NNT: variants seen among roughly 807,000 people sequenced by gnomAD.
The protein encoded by NNT is NAD(P) transhydrogenase, mitochondrial.
A neutral mutation model predicts 104.8 loss-of-function variants in NNT; 50 were observed. The observed-to-expected ratio is 0.48, with a 90% CI of 0.38 to 0.60. The LOEUF (loss-of-function observed/expected upper bound fraction) is 0.60. Ranked by LOEUF, NNT falls within the 20% of genes least tolerant of loss-of-function variation. The pLI, the probability that NNT is intolerant of heterozygous loss-of-function variation, is 0.00. For missense variants in NNT, 1,131 were observed against 1,330.7 expected, an observed-to-expected ratio of 0.85 and a Z score of 2.33; for synonymous variants, 461 against 490.4, an observed-to-expected ratio of 0.94 and a Z score of 0.79.
rs758877027 is a variant in NNT at position 43,624,145 on chromosome 5, G to A, written c.776+25G>A. ...GGTGAGTGCTTTACTAGTGACTGAT[G>A]TTAAGGTAAAAACATTTTGTTTCAG... On this transcript the variant is annotated intron_variant, in intron 6 of 21. Transcript: ENST00000344920. 16 of 1,606,302 alleles carry A rather than the reference G, an allele frequency of 1.0e-5. No individual in the cohort carries two copies. The Admixed American group carries it at 2.2e-4, about 22-fold the overall frequency.
intron 10 of NNT, among the ~76,000 whole-genome samples, 175 bp from the exon 11 acceptor site, chr5:43,648,972 G>A (rs1206265885): frequency 6.6e-6 from 1 of 152,178 alleles, no homozygotes; most frequent in Non-Finnish European, 1.5e-5. Context: ...TTTGTCCACA[G>A]TATTCCTCCA....
At chr5:43,640,153 C>T (rs1751150999) in intron 7 of NNT, among the ~76,000 whole-genome samples, 1 of 151,936 alleles carries the variant, frequency 6.6e-6, no homozygotes, top group Non-Finnish European at 1.5e-5. Flanking sequence ...GAAAGATGTG[C>T]TTATTTTCTC....
intron 18 of NNT, 33 bp downstream of exon 18, chr5:43,675,703 A>G: frequency 6.8e-7 from 1 of 1,479,042 alleles, no homozygotes. Flanking sequence ...AATAACCTAT[A>G]ATAGCTGTTA....
intron 21 of NNT, among the ~76,000 whole-genome samples, chr5:43,703,908 C>T (rs975958502): frequency 3.5e-4 from 53 of 152,122 alleles, no homozygotes; most frequent in African/African-American, 1.3e-3. Context: ...TTCTTTAGCA[C>T]ATTCATAGAA....
chr5:43,684,089 C>T (rs1580111332), intron 19 of NNT, among the ~76,000 whole-genome samples: 1 of 152,162 alleles, frequency 6.6e-6, no homozygotes, highest in Admixed American at 6.5e-5. Flanking sequence ...TCACAGGCCA[C>T]ATGTACAGAT....
chr5:43,681,646 TGCCTCA>T (rs1159398826), intron 19 of NNT, among the ~76,000 whole-genome samples: 1 of 152,172 alleles, frequency 6.6e-6, no homozygotes, highest in Non-Finnish European at 1.5e-5. Flanking sequence ...GTAAACTGCT[TGCCTCA>T]GCCTCCCAAA....
chr5:43,683,818 G>A (rs572402593), intron 19 of NNT, among the ~76,000 whole-genome samples: 1 of 151,504 alleles, frequency 6.6e-6, no homozygotes, highest in African/African-American at 2.4e-5. Context: ...TTTTTTTCTG[G>A]TATCATTCTT....
intron 19 of NNT, among the ~76,000 whole-genome samples, chr5:43,688,415 A>T (rs559984096): frequency 4.3e-4 from 66 of 152,054 alleles, no homozygotes; most frequent in Non-Finnish European, 6.9e-4. Context: ...AATTTTTAAA[A>T]TTTTTTTTCA....
At chr5:43,691,064 T>TGAGAGAGAGA (rs377384780) in intron 19 of NNT, among the ~76,000 whole-genome samples, 56 of 144,868 alleles carry the variant, frequency 3.9e-4, no homozygotes, top group African/African-American at 1.3e-3. Flanking sequence ...AGAATTTTTT[T>TGAGAGAGAGA]GAGAGAGTGT....
chr5:43,619,468 C>T (rs1413231078), intron 5 of NNT, among the ~76,000 whole-genome samples: 1 of 152,116 alleles, frequency 6.6e-6, no homozygotes, highest in African/African-American at 2.4e-5. Flanking sequence ...ATTTTTGCAA[C>T]ATTTTGGCAC....
chr5:43,631,853 A>G (rs892100548), intron 7 of NNT, among the ~76,000 whole-genome samples: 1 of 152,060 alleles, frequency 6.6e-6, no homozygotes, highest in East Asian at 1.9e-4. Flanking sequence ...TGTTTTCTGA[A>G]GCCACGATCT....
At chr5:43,662,684 G>A (rs919810402) in intron 17 of NNT, among the ~76,000 whole-genome samples, 1 of 152,158 alleles carries the variant, frequency 6.6e-6, no homozygotes, top group Non-Finnish European at 1.5e-5. Flanking sequence ...ATTGAGTCCA[G>A]GAGTTCAAGA....
chr5:43,679,451 C>T (rs965813375), intron 19 of NNT, among the ~76,000 whole-genome samples: 1 of 152,140 alleles, frequency 6.6e-6, no homozygotes, highest in Non-Finnish European at 1.5e-5. Flanking sequence ...GTTAACCAGA[C>T]ATCTTGGAAA....
At chr5:43,629,694 T>C (rs552037798) in intron 7 of NNT, among the ~76,000 whole-genome samples, 50 of 152,348 alleles carry the variant, frequency 3.3e-4, no homozygotes, top group African/African-American at 5.3e-4. Context: ...TGGTATCTCA[T>C]TGTAGTTTTG....
intron 19 of NNT, among the ~76,000 whole-genome samples, chr5:43,688,860 G>A (rs1742116690): frequency 6.6e-6 from 1 of 152,172 alleles, no homozygotes; most frequent in South Asian, 2.1e-4. Context: ...AAACGTGTGT[G>A]CAAATATCTT....
chr5:43,647,406 A>G (rs1387185682), intron 10 of NNT, among the ~76,000 whole-genome samples: 1 of 152,232 alleles, frequency 6.6e-6, no homozygotes, highest in Non-Finnish European at 1.5e-5. Flanking sequence ...AGTTTCTCTT[A>G]TATTTCTTGA....
chr5:43,674,774 A>C (rs1187329439), intron 17 of NNT, among the ~76,000 whole-genome samples: 1 of 152,256 alleles, frequency 6.6e-6, no homozygotes, highest in African/African-American at 2.4e-5. Context: ...CAGCAGTGGC[A>C]TTCCTATGGT....
At chr5:43,613,842 T>C (rs1749634998) in intron 3 of NNT, among the ~76,000 whole-genome samples, 1 of 152,154 alleles carries the variant, frequency 6.6e-6, no homozygotes, top group Non-Finnish European at 1.5e-5. Context: ...TTTCAGGAGA[T>C]ACAGCTTTTT....
At chr5:43,642,366 G>C (rs1751283432) in intron 7 of NNT, among the ~76,000 whole-genome samples, 1 of 152,134 alleles carries the variant, frequency 6.6e-6, no homozygotes, top group African/African-American at 2.4e-5. Flanking sequence ...AGATGGATGT[G>C]GTTTGCTTCC....
Sources: gnomAD v4.1 joint callset for allele counts (sites outside exome capture counted in the v4.1 genomes callset) on GRCh38, gnomAD v4.1.1 for gene constraint, MANE v1.5 for transcripts, NCBI Gene and HGNC (gene_info 2026-07-23, HGNC 2026-07-21) for gene names.